PDE1A: variants seen among roughly 807,000 people sequenced by gnomAD.
PDE1A encodes dual specificity calcium/calmodulin-dependent 3',5'-cyclic nucleotide phosphodiesterase 1A.
Under a neutral mutation model 61.7 loss-of-function variants are expected in PDE1A, and 35 were observed. The ratio of observed to expected loss-of-function variants is 0.57; its 90% CI spans 0.43 to 0.75. The LOEUF (loss-of-function observed/expected upper bound fraction) is 0.75. Among genes scored for constraint, PDE1A ranks in the 30% least tolerant of loss-of-function variants. PDE1A has a pLI of 0.00. For missense variants in PDE1A, 597 were observed against 630.6 expected (o/e 0.95, Z 0.57); for synonymous variants, 232 against 213.2 (o/e 1.09, Z -0.77).
intron 2 of PDE1A, among the ~76,000 whole-genome samples, chr2:182,479,883 G>GA (rs150259760): frequency 0.052 from 7,956 of 151,932 alleles, 285 homozygotes; most frequent in Non-Finnish European, 0.085. Context: ...TACATAGGAA[G>GA]AAAGGACTAA....
chr2:182,499,186 T>G (rs1395450492), intron 2 of PDE1A, among the ~76,000 whole-genome samples: 2 of 135,218 alleles, frequency 1.5e-5, no homozygotes, highest in South Asian at 2.5e-4. Flanking sequence ...TTTTTTTTTT[T>G]TTTTTTTTGA....
intron 7 of PDE1A, among the ~76,000 whole-genome samples, chr2:182,218,724 G>C (rs1228341284): frequency 6.6e-6 from 1 of 152,070 alleles, no homozygotes; most frequent in Non-Finnish European, 1.5e-5. Context: ...AAGATCATGT[G>C]ATTTTTTTCC....
intron 1 of PDE1A, among the ~76,000 whole-genome samples, chr2:182,271,920 A>G (rs895904894): frequency 4.6e-5 from 7 of 152,134 alleles, no homozygotes; most frequent in African/African-American, 1.4e-4. Context: ...AGAGATTGAT[A>G]CATGATGCAA....
upstream of PDE1A, among the ~76,000 whole-genome samples, chr2:182,527,502 G>C (rs1690796974): frequency 6.7e-6 from 1 of 150,146 alleles, no homozygotes; most frequent in South Asian, 2.1e-4. Context: ...AGGCTGCAGT[G>C]AGCCTTGTTC....
chr2:182,234,415 T>C lies in PDE1A; in HGVS notation c.417+17A>G, dbSNP rs1689841062. ...AAAATGACCATTTTATACACGAAAATAATGAAATTATGTCACCTTTAATGT... is the reference window on the plus strand; with the variant it reads ...AAAATGACCATTTTATACACGAAAACAATGAAATTATGTCACCTTTAATGT... On this transcript the variant is annotated intron_variant, in intron 4 of 13. Transcript: ENST00000351439. 2 of 1,562,036 alleles carry C rather than the reference T, an allele frequency of 1.3e-6. No homozygotes were observed. The highest frequency in any genetic ancestry group is 1.8e-6 in the Non-Finnish European group (2 of 1,141,714).
chr2:182,260,033 G>A (rs187650335), intron 2 of PDE1A, among the ~76,000 whole-genome samples: 50 of 152,294 alleles, frequency 3.3e-4, no homozygotes, highest in Non-Finnish European at 6.3e-4. Flanking sequence ...AGGGTATTGT[G>A]CTATTATCTC....
chr2:182,435,128 T>C (rs1260121624), intron 2 of PDE1A, among the ~76,000 whole-genome samples: 1 of 151,974 alleles, frequency 6.6e-6, no homozygotes, highest in Non-Finnish European at 1.5e-5. Flanking sequence ...CTATAAGTAG[T>C]GTAACATTAT....
At chr2:182,521,275 G>C (rs1338978181) in intron 2 of PDE1A, among the ~76,000 whole-genome samples, 1 of 152,016 alleles carries the variant, frequency 6.6e-6, no homozygotes, top group East Asian at 1.9e-4. Context: ...TTTAAAAATA[G>C]TGTGTAAATA....
At chr2:182,345,551 A>T (rs1698469017) in intron 1 of PDE1A, among the ~76,000 whole-genome samples, 3 of 152,152 alleles carry the variant, frequency 2.0e-5, no homozygotes. Flanking sequence ...ACACAGCCTT[A>T]TCCCAGTTAT....
At chr2:182,162,623 T>A (rs537847165) in intron 13 of PDE1A, among the ~76,000 whole-genome samples, 17 of 152,164 alleles carry the variant, frequency 1.1e-4, no homozygotes, top group Non-Finnish European at 2.2e-4. Context: ...AATCTTTCTC[T>A]TATACTTCCC....
At chr2:182,683,373 G>A in the PDE1A span, among the ~76,000 whole-genome samples, 14 of 152,024 alleles carry the variant, frequency 9.2e-5, no homozygotes, top group African/African-American at 1.9e-4. Context: ...CATCATGCCC[G>A]GCCAACAACT....
At chr2:182,168,242 G>T in exon 14 of PDE1A, 11 of 1,590,332 alleles carry the variant, frequency 6.9e-6, no homozygotes, top group Non-Finnish European at 8.5e-6. Flanking sequence ...TTTACTTAAA[G>T]GTGTTTACTG....
At chr2:182,370,884 G>T (rs888526770) in intron 1 of PDE1A, among the ~76,000 whole-genome samples, 2 of 152,098 alleles carry the variant, frequency 1.3e-5, no homozygotes, top group African/African-American at 4.8e-5. Context: ...AATCTTTCTA[G>T]AGACTTCAGA....
intron 2 of PDE1A, among the ~76,000 whole-genome samples, chr2:182,256,748 G>A (rs945901233): frequency 3.3e-5 from 5 of 152,094 alleles, no homozygotes; most frequent in South Asian, 4.2e-4. Context: ...TGCTAAATAC[G>A]TTTTTTAAAC....
intron 10 of PDE1A, among the ~76,000 whole-genome samples, chr2:182,195,129 G>A (rs1393047314): frequency 6.6e-6 from 1 of 152,124 alleles, no homozygotes; most frequent in African/African-American, 2.4e-5. Context: ...TGTTGGAAAT[G>A]TGCTTTTAAA....
the PDE1A span, among the ~76,000 whole-genome samples, chr2:182,666,697 A>G: frequency 0.13 from 20,271 of 152,078 alleles, 1,635 homozygotes; most frequent in South Asian, 0.22. Context: ...CCAATTGCCA[A>G]GTATGTCTAT....
At chr2:182,454,762 A>G (rs1377186804) in intron 2 of PDE1A, among the ~76,000 whole-genome samples, 4 of 152,100 alleles carry the variant, frequency 2.6e-5, no homozygotes, top group Non-Finnish European at 5.9e-5. Context: ...TTATACAAAA[A>G]TTAATTCAAG....
chr2:182,314,918 T>G lies in PDE1A; in HGVS notation c.54-50504A>C, dbSNP rs113120823. ...ATTTATTCAGTTAGATTAACTTGTC[T>G]TAGAACTAAATGTCTTCTGAGACTG... On this transcript the variant is annotated intron_variant, in intron 1 of 13. Transcript: ENST00000351439. Among the ~76,000 whole-genome samples the G allele has an allele frequency of 8.5e-3, 1,300 of 152,296 alleles. 21 individuals are homozygous for G. Among genetic ancestry groups the G allele is most frequent in the South Asian group, 0.067 (325 of 4,828 alleles).
chr2:182,183,871 TA>T (rs1405996634), intron 13 of PDE1A, among the ~76,000 whole-genome samples: 1 of 151,828 alleles, frequency 6.6e-6, no homozygotes, highest in African/African-American at 2.4e-5. Flanking sequence ...GATAAAAAGT[TA>T]ATTCAGTGAA....
Sources: allele counts gnomAD v4.1 joint callset (sites outside exome capture counted in the v4.1 genomes callset), GRCh38; gene constraint gnomAD v4.1.1; transcripts MANE v1.5; gene names NCBI Gene and HGNC (gene_info 2026-07-23, HGNC 2026-07-21).